Variants in SNAPC1 observed in about 807,000 individuals in gnomAD.
SNAPC1 encodes the protein snRNA-activating protein complex subunit 1.
SNAPC1 carries 42 observed loss-of-function variants against 50.1 expected under a neutral mutation model. The observed-to-expected ratio is 0.84, with a 90% CI of 0.65 to 1.08. The LOEUF (loss-of-function observed/expected upper bound fraction) is 1.08. SNAPC1 is among the 50% of genes least tolerant of loss of function. SNAPC1 has a pLI of 0.00. For missense variants in SNAPC1, 477 were observed against 427.3 expected, an observed-to-expected ratio of 1.12 and a Z score of -1.02; for synonymous variants, 164 against 144.2, an observed-to-expected ratio of 1.14 and a Z score of -0.98.
chr14:61,783,719 T>C (rs2045095051), intron 8 of SNAPC1, among the ~76,000 whole-genome samples: 2 of 151,972 alleles, frequency 1.3e-5, no homozygotes, highest in Admixed American at 1.3e-4. Context: ...TTTGTATTTT[T>C]AGTAGAGACG....
Position 61,784,827 on chromosome 14 carries a change from G to A in SNAPC1, c.976+2430G>A, listed in dbSNP as rs114297448. 2.6e-3 allele frequency among the ~76,000 whole-genome samples: 391 copies of A among 152,226 alleles called. 1 individual carries two copies. The highest frequency in any genetic ancestry group is 9.0e-3 in the African/African-American group (372 of 41,532). On this transcript the variant is annotated intron_variant, in intron 8 of 9. Transcript: ENST00000216294. ...AAGAAGTATCACAGTTTTATTTAAC[G>A]TTGCTCTTAAAGAGCTAGTCAGTGT...
At chr14:61,775,132 C>T (rs1407999412) in intron 4 of SNAPC1, among the ~76,000 whole-genome samples, 1 of 152,166 alleles carries the variant, frequency 6.6e-6, no homozygotes, top group Non-Finnish European at 1.5e-5. Flanking sequence ...CTTAAGTCCA[C>T]TCTGTGGTAT....
chr14:61,776,127 C>T lies in SNAPC1; in HGVS notation c.567C>T (p.Asn189=), dbSNP rs1352704249. 6.2e-7 allele frequency: 1 copy of T among 1,605,328 alleles called. No homozygotes were observed. The highest frequency in any genetic ancestry group is 2.2e-5 in the East Asian group (1 of 44,490). The part of the protein sequence containing the change: ...EMLNVHDHYQ[N]MKHVISVDKS... ...TGAATGTTCATGATCATTATCAGAACATGAAACATGTAATTTCAGTTGATA... is the reference window on the plus strand; with the variant it reads ...TGAATGTTCATGATCATTATCAGAATATGAAACATGTAATTTCAGTTGATA... Residue 189 remains asparagine, a synonymous_variant, in exon 5 of 10, where the codon AAC becomes AAT. Transcript: ENST00000216294.
intron 7 of SNAPC1, among the ~76,000 whole-genome samples, chr14:61,779,320 T>C (rs1228520802): frequency 6.6e-6 from 1 of 152,226 alleles, no homozygotes; most frequent in East Asian, 1.9e-4. Context: ...CCTTTCAATC[T>C]GATATCCTTC....
chr14:61,788,080 GA>G (rs1399714472), intron 8 of SNAPC1, among the ~76,000 whole-genome samples: 2 of 151,500 alleles, frequency 1.3e-5, no homozygotes, highest in Non-Finnish European at 2.9e-5. Flanking sequence ...ATTAGTTGCT[GA>G]AAACAACTGT....
chr14:61,790,480 C>T (rs113728916), intron 8 of SNAPC1, among the ~76,000 whole-genome samples: 155 of 152,240 alleles, frequency 1.0e-3, no homozygotes, highest in Non-Finnish European at 1.9e-3. Context: ...TGATTACAGG[C>T]GCTCGCCACC....
intron 7 of SNAPC1, among the ~76,000 whole-genome samples, chr14:61,781,418 C>G (rs548012170): frequency 6.9e-6 from 1 of 145,598 alleles, no homozygotes; most frequent in South Asian, 2.2e-4. Flanking sequence ...CCACTGCACT[C>G]CAGCCTGGGT....
At chr14:61,766,069 T>C (rs557326760) in intron 1 of SNAPC1, among the ~76,000 whole-genome samples, 3 of 152,356 alleles carry the variant, frequency 2.0e-5, no homozygotes, top group East Asian at 1.9e-4. Context: ...TAGTAACTTA[T>C]CTTAGAAGCA....
At chr14:61,786,932 A>T (rs954348510) in intron 8 of SNAPC1, among the ~76,000 whole-genome samples, 1 of 152,266 alleles carries the variant, frequency 6.6e-6, no homozygotes, top group Admixed American at 6.5e-5. Context: ...AAACTGTGGC[A>T]TATCCATGCA....
chr14:61,774,648 ATTTTTTTTTTTTT>A (rs35300490), intron 4 of SNAPC1, among the ~76,000 whole-genome samples: 14 of 90,964 alleles, frequency 1.5e-4, no homozygotes, highest in African/African-American at 3.3e-4. Context: ...TCAGTTTCTC[ATTTTTTTTTTTTT>A]TTTTTTTTTT....
At chr14:61,787,776 C>G (rs1374153039) in intron 8 of SNAPC1, among the ~76,000 whole-genome samples, 1 of 152,136 alleles carries the variant, frequency 6.6e-6, no homozygotes, top group Non-Finnish European at 1.5e-5. Flanking sequence ...CACAAGGACT[C>G]AAATATAGAA....
intron 9 of SNAPC1, among the ~76,000 whole-genome samples, chr14:61,793,952 G>C (rs184121645): frequency 6.6e-6 from 1 of 152,054 alleles, no homozygotes; most frequent in Non-Finnish European, 1.5e-5. Context: ...CACTGCACCC[G>C]GCCGGAATAT....
intron 4 of SNAPC1, 97 bp from the exon 5 acceptor site, chr14:61,775,998 G>A: frequency 1.2e-6 from 1 of 842,178 alleles, no homozygotes. Flanking sequence ...CCTATCAACT[G>A]GAAGTCACTT....
intron 8 of SNAPC1, among the ~76,000 whole-genome samples, chr14:61,788,273 C>G (rs2045128845): frequency 6.6e-6 from 1 of 152,190 alleles, no homozygotes; most frequent in African/African-American, 2.4e-5. Flanking sequence ...TGTAAATACT[C>G]TGAAGCAGAA....
intron 4 of SNAPC1, among the ~76,000 whole-genome samples, chr14:61,771,230 T>A (rs2044988850): frequency 6.6e-6 from 1 of 152,174 alleles, no homozygotes; most frequent in Non-Finnish European, 1.5e-5. Flanking sequence ...TCTACAACAT[T>A]TCTGCAAAAT....
At chr14:61,788,651 A>G (rs1263663380) in intron 8 of SNAPC1, among the ~76,000 whole-genome samples, 1 of 152,218 alleles carries the variant, frequency 6.6e-6, no homozygotes, top group African/African-American at 2.4e-5. Flanking sequence ...TATTTGATAA[A>G]GATTAAAGAT....
chr14:61,767,925 G>T (rs1235361779), intron 3 of SNAPC1, among the ~76,000 whole-genome samples: 2 of 152,058 alleles, frequency 1.3e-5, no homozygotes, highest in African/African-American at 4.8e-5. Context: ...GACTACAGGC[G>T]CCCTCCACCA....
intron 8 of SNAPC1, among the ~76,000 whole-genome samples, chr14:61,787,595 T>C (rs1235863008): frequency 6.6e-6 from 1 of 152,206 alleles, no homozygotes; most frequent in Non-Finnish European, 1.5e-5. Context: ...ACAGCTGGAT[T>C]GGTTACAGCT....
rs57065160 is a variant in SNAPC1, at chr14:61,789,230, C to CAA, written c.977-3562_977-3561dup. Among the ~76,000 whole-genome samples, 187 of 104,850 alleles carry CAA rather than the reference C, an allele frequency of 1.8e-3. 1 individual carries two copies. Among genetic ancestry groups the CAA allele is most frequent in the East Asian group, 7.1e-3 (24 of 3,396 alleles). The allele number at this position is 104,850 out of a possible 152,430, so 68.8% of individuals were successfully genotyped here. The stretch of plus-strand genomic sequence containing the variant: ...TGGGTGACAGAGCAAGACTCCATCT[C>CAA]AAAAAAAAAAAAAAAAGGCTAGGGA... On this transcript the variant is annotated intron_variant, in intron 8 of 9. Transcript: ENST00000216294.
Sources: gnomAD v4.1 joint callset for allele counts (sites outside exome capture counted in the v4.1 genomes callset) on GRCh38, gnomAD v4.1.1 for gene constraint, MANE v1.5 for transcripts, NCBI Gene and HGNC (gene_info 2026-07-23, HGNC 2026-07-21) for gene names.